JAZF1: variants seen among roughly 807,000 people sequenced by gnomAD.
The protein encoded by JAZF1 is JAZF zinc finger 1, also known as juxtaposed with another zinc finger protein 1.
JAZF1 carries 8 observed loss-of-function variants against 26.4 expected under a neutral mutation model. The observed-to-expected ratio is 0.30, with a 90% CI of 0.18 to 0.55. The LOEUF (loss-of-function observed/expected upper bound fraction) is 0.55, where lower values mean the gene tolerates loss of function less well. JAZF1 is among the 20% of genes least tolerant of loss of function. JAZF1 has a pLI of 0.94. For missense variants in JAZF1, 199 were observed against 322.0 expected (o/e 0.62, Z 2.92); for synonymous variants, 126 against 122.3 (o/e 1.03, Z -0.20).
At chr7:27,955,040 G>A (rs1417201193) in intron 2 of JAZF1, among the ~76,000 whole-genome samples, 1 of 152,212 alleles carries the variant, frequency 6.6e-6, no homozygotes, top group African/African-American at 2.4e-5. Context: ...TTACAGGCAT[G>A]AGCCACCGTG....
At chr7:28,001,514 T>C (rs535341102) in intron 1 of JAZF1, among the ~76,000 whole-genome samples, 2 of 152,064 alleles carry the variant, frequency 1.3e-5, no homozygotes, top group African/African-American at 4.8e-5. Context: ...GAAAGAAAAA[T>C]TTACATAAGC....
intron 1 of JAZF1, among the ~76,000 whole-genome samples, chr7:28,066,876 T>C (rs928287097): frequency 1.3e-5 from 2 of 152,124 alleles, no homozygotes; most frequent in African/African-American, 4.8e-5. Context: ...ATGGTCTTTT[T>C]AAGAAAAGCT....
In JAZF1 at chr7:28,035,042, T is replaced by G. The variant is rs559554397; in HGVS notation, c.116-43061A>C. On this transcript the variant is annotated intron_variant, in intron 1 of 4. Transcript: ENST00000283928. Reference sequence around the variant, plus strand: ...ATATATATAAAAGAAATAGGCTGGGTGCAGTGGCTCAAGCCTATAATCCCA... The same window carrying G: ...ATATATATAAAAGAAATAGGCTGGGGGCAGTGGCTCAAGCCTATAATCCCA... Among the ~76,000 whole-genome samples, 420 of 151,850 alleles carry G rather than the reference T, an allele frequency of 2.8e-3. 3 individuals carry two copies. The highest frequency in any genetic ancestry group is 9.8e-3 in the African/African-American group (408 of 41,442).
chr7:27,988,645 A>G (rs1785814874), intron 2 of JAZF1, among the ~76,000 whole-genome samples: 1 of 152,102 alleles, frequency 6.6e-6, no homozygotes, highest in Non-Finnish European at 1.5e-5. Flanking sequence ...TCTCTCCAAC[A>G]TCGGTTATTG....
chr7:28,042,250 A>C (rs1481767728), intron 1 of JAZF1, among the ~76,000 whole-genome samples: 1 of 152,190 alleles, frequency 6.6e-6, no homozygotes, highest in East Asian at 1.9e-4. Flanking sequence ...CCATCTGATT[A>C]CCGTGCAGGG....
intron 2 of JAZF1, among the ~76,000 whole-genome samples, chr7:27,947,406 C>T (rs1053696696): frequency 6.6e-6 from 1 of 152,166 alleles, no homozygotes; most frequent in African/African-American, 2.4e-5. Context: ...AACTACTACA[C>T]AATAGTAGCC....
At position 27,831,843 on chromosome 7, in the gene JAZF1, CAT is replaced by C; in HGVS notation, c.*955_*956del. ...GCAGTGGTTGCAAGAATTGGCAACA[CAT>C]AAACATTAAATTGTTGGCAATAGAG... On this transcript the variant is annotated 3_prime_UTR_variant, in exon 5 of 5. Transcript: ENST00000283928. 4.5e-6 allele frequency: 1 copy of C among 220,038 alleles called. No homozygotes were observed. The highest frequency in any genetic ancestry group is 9.1e-6 in the Non-Finnish European group (1 of 109,620). 13.6% of individuals were successfully genotyped at this position (220,038 alleles called of 1,614,324 possible).
At chr7:28,006,579 T>C (rs1404596496) in intron 1 of JAZF1, among the ~76,000 whole-genome samples, 1 of 152,196 alleles carries the variant, frequency 6.6e-6, no homozygotes, top group African/African-American at 2.4e-5. Flanking sequence ...ACAAAATGAA[T>C]TGCTTTCTGT....
intron 1 of JAZF1, among the ~76,000 whole-genome samples, chr7:28,067,842 G>A (rs774233183): frequency 2.6e-5 from 4 of 152,188 alleles, no homozygotes; most frequent in Non-Finnish European, 5.9e-5. Flanking sequence ...GCGAGGAACA[G>A]AACCTAGACT....
chr7:27,968,769 A>G (rs1160660393), intron 2 of JAZF1, among the ~76,000 whole-genome samples: 1 of 152,200 alleles, frequency 6.6e-6, no homozygotes, highest in Non-Finnish European at 1.5e-5. Context: ...TTGGCCCAGG[A>G]GAACTGTACA....
At chr7:27,855,256 G>A (rs1395321473) in intron 3 of JAZF1, among the ~76,000 whole-genome samples, 1 of 151,950 alleles carries the variant, frequency 6.6e-6, no homozygotes, top group African/African-American at 2.4e-5. Context: ...AGCACTAAAT[G>A]CCCACAAGAG....
chr7:28,098,894 G>A (rs1052257556), intron 1 of JAZF1, among the ~76,000 whole-genome samples: 4 of 152,156 alleles, frequency 2.6e-5, no homozygotes, highest in East Asian at 1.9e-4. Context: ...AGGGAGGTCC[G>A]CTAGTCATGC....
At chr7:27,922,541 G>A (rs566286983) in intron 2 of JAZF1, among the ~76,000 whole-genome samples, 274 of 152,204 alleles carry the variant, frequency 1.8e-3, no homozygotes, top group African/African-American at 6.4e-3. Flanking sequence ...GACCCACCGC[G>A]CCAGGCCTTA....
chr7:28,096,829 C>A lies in JAZF1; in HGVS notation c.115+83634G>T, dbSNP rs556305392. On this transcript the variant is annotated intron_variant, in intron 1 of 4. Transcript: ENST00000283928. ...AAACACTGGCTTACACTGCCCTCTG[C>A]TGGTATACTGACCACATTTCAAGTT... Among the ~76,000 whole-genome samples the A allele has an allele frequency of 3.3e-5, 5 of 152,304 alleles. No individual in the cohort carries two copies. In the South Asian group the frequency reaches 1.0e-3, roughly 32 times the overall value.
At chr7:27,954,619 G>A (rs918464943) in intron 2 of JAZF1, among the ~76,000 whole-genome samples, 1 of 152,202 alleles carries the variant, frequency 6.6e-6, no homozygotes, top group African/African-American at 2.4e-5. Context: ...CTGGTAATGT[G>A]TAAATGCAGT....
At chr7:27,891,292 A>AG (rs1783972888) in intron 3 of JAZF1, among the ~76,000 whole-genome samples, 1 of 152,194 alleles carries the variant, frequency 6.6e-6, no homozygotes, top group South Asian at 2.1e-4. Context: ...ATGCCCATTA[A>AG]TTTAGGTGGT....
chr7:27,910,487 A>G (rs1481235750), intron 2 of JAZF1, among the ~76,000 whole-genome samples: 1 of 152,186 alleles, frequency 6.6e-6, no homozygotes, highest in Non-Finnish European at 1.5e-5. Context: ...TTTGCATGCC[A>G]AAGGCATGCA....
intron 1 of JAZF1, among the ~76,000 whole-genome samples, chr7:28,178,827 G>C (rs1328715638): frequency 6.6e-6 from 1 of 152,156 alleles, no homozygotes; most frequent in African/African-American, 2.4e-5. Flanking sequence ...GCTATTACAA[G>C]GACGCCTGAA....
At chr7:28,018,683 C>A (rs1275649767) in intron 1 of JAZF1, among the ~76,000 whole-genome samples, 1 of 152,190 alleles carries the variant, frequency 6.6e-6, no homozygotes, top group African/African-American at 2.4e-5. Context: ...CCAAATACAG[C>A]AGAGGCTGAA....
Sources: gnomAD v4.1 joint callset for allele counts (sites outside exome capture counted in the v4.1 genomes callset) on GRCh38, gnomAD v4.1.1 for gene constraint, MANE v1.5 for transcripts, NCBI Gene and HGNC (gene_info 2026-07-23, HGNC 2026-07-21) for gene names.